The following ADIPOQ variants were observed in gnomAD, a reference collection of about 807,000 sequenced individuals.
The protein encoded by ADIPOQ is adiponectin.
Under a neutral mutation model 16.1 loss-of-function variants are expected in ADIPOQ, and 19 were observed. The ratio of observed to expected loss-of-function variants is 1.18; its 90% CI spans 0.82 to 1.73. The LOEUF (loss-of-function observed/expected upper bound fraction) is 1.73, where lower values mean the gene tolerates loss of function less well. Among genes scored for constraint, ADIPOQ ranks in the 40% most tolerant of loss-of-function variants. The probability of loss-of-function intolerance (pLI) is 0.00; values close to 1 mark genes in which losing one functional copy is unlikely to be tolerated. For synonymous variants in ADIPOQ, 124 were observed against 125.5 expected (o/e 0.99, Z 0.08); for missense variants, 323 against 308.3 (o/e 1.05, Z -0.36).
intron 1 of ADIPOQ, among the ~76,000 whole-genome samples, chr3:186,847,635 A>G (rs1711613895): frequency 6.6e-6 from 1 of 152,102 alleles, no homozygotes; most frequent in Non-Finnish European, 1.5e-5. Flanking sequence ...AAGCTTTGTG[A>G]CCAAAAACAA....
Position 186,854,911 on chromosome 3 carries a change from G to T in ADIPOQ, c.*207G>T. On this transcript the variant is annotated 3_prime_UTR_variant, in exon 3 of 3. Transcript: ENST00000320741. ...CAGTCCTGGGGAGCTTCACAAACAT[G>T]ACCAGATAACTGACTAGAAAGAAGT... The T allele has an allele frequency of 1.4e-6, 1 of 710,308 alleles. No individual in the cohort carries two copies. 44.0% of individuals were successfully genotyped at this position (710,308 alleles called of 1,614,324 possible).
At chr3:186,848,039 C>T (rs757766242) in intron 1 of ADIPOQ, among the ~76,000 whole-genome samples, 42 of 151,696 alleles carry the variant, frequency 2.8e-4, no homozygotes, top group Non-Finnish European at 5.0e-4. Flanking sequence ...CAGGTGTGGT[C>T]GTGGATTCCT....
chr3:186,843,053 G>A (rs1377379349), intron 1 of ADIPOQ, among the ~76,000 whole-genome samples: 2 of 152,230 alleles, frequency 1.3e-5, no homozygotes, highest in African/African-American at 4.8e-5. Flanking sequence ...TAAGGTGGAA[G>A]GGTCTGTCCA....
chr3:186,842,769 G>C lies in ADIPOQ; in HGVS notation c.-9+20G>C, dbSNP rs1723034952. The C allele has an allele frequency of 6.6e-6, 1 of 152,554 alleles. No individual in the cohort carries two copies. Among genetic ancestry groups the C allele is most frequent in the Non-Finnish European group, 1.5e-5 (1 of 68,316 alleles). The allele number at this position is 152,554 out of a possible 1,614,324, so 9.5% of individuals were successfully genotyped here. On this transcript the variant is annotated intron_variant, in intron 1 of 2. Coordinates refer to ENST00000320741, the MANE Select transcript of ADIPOQ (RefSeq NM_004797.4). ...CAGAGGGTAAGAGCAATTCTGTGAAGTTCCAGGCTGGGTGGGGGATGCATG... is the reference window on the plus strand; with the variant it reads ...CAGAGGGTAAGAGCAATTCTGTGAACTTCCAGGCTGGGTGGGGGATGCATG...
At chr3:186,848,769 A>C (rs983869497) in intron 1 of ADIPOQ, among the ~76,000 whole-genome samples, 7 of 152,272 alleles carry the variant, frequency 4.6e-5, no homozygotes, top group African/African-American at 9.6e-5. Flanking sequence ...TAAAATAAAA[A>C]AGAACACAAA....
chr3:186,846,045 A>G (rs912859251), intron 1 of ADIPOQ, among the ~76,000 whole-genome samples: 2 of 152,102 alleles, frequency 1.3e-5, no homozygotes, highest in East Asian at 3.8e-4. Context: ...TCATCTCTGA[A>G]GTTGGGCTCA....
intron 1 of ADIPOQ, among the ~76,000 whole-genome samples, chr3:186,849,332 G>A (rs1711672215): frequency 6.6e-6 from 1 of 152,194 alleles, no homozygotes. Context: ...AGAAAGGGTG[G>A]AGGTGACAAG....
intron 1 of ADIPOQ, chr3:186,851,818 G>A (rs9877202): frequency 0.95 from 145,203 of 152,376 alleles, 69,594 homozygotes; most frequent in East Asian, 1. Context: ...AGAGTGCAAT[G>A]ATAGAGCTAA....
intron 1 of ADIPOQ, among the ~76,000 whole-genome samples, chr3:186,845,252 G>T (rs1711551512): frequency 6.6e-6 from 1 of 152,174 alleles, no homozygotes; most frequent in Admixed American, 6.5e-5. Context: ...CTGAGTGAAG[G>T]CTTTCGGGCA....
In ADIPOQ at chr3:186,844,336, T is replaced by C. The variant is rs140648385; in HGVS notation, c.-9+1587T>C. On this transcript the variant is annotated intron_variant, in intron 1 of 2. Transcript: ENST00000320741. ...CTAATTTTTATATTTTTAGTAGAGA[T>C]GGGGTTCACCATATTGGCCAGGATG... is the stretch of plus-strand genomic sequence containing the variant. Among the ~76,000 whole-genome samples, 1,399 of 152,072 alleles carry C rather than the reference T, an allele frequency of 9.2e-3. 15 individuals carry two copies. Among genetic ancestry groups the C allele is most frequent in the African/African-American group, 0.031 (1,297 of 41,470 alleles).
rs1460996312 is a variant in ADIPOQ at position 186,857,094 on chromosome 3, C to T, written c.*2390C>T. The stretch of plus-strand genomic sequence containing the variant: ...GCCCAGCTCTCGTATCCCCAAGCCA[C>T]ACCATCTGGCTAAATGGACATCATG... On this transcript the variant is annotated 3_prime_UTR_variant, in exon 3 of 3. Coordinates refer to ENST00000320741, the MANE Select transcript of ADIPOQ (RefSeq NM_004797.4). The T allele has an allele frequency of 6.6e-6, 1 of 152,334 alleles. No individual in the cohort carries two copies. The highest frequency in any genetic ancestry group is 3.4e-3 in the Middle Eastern group (1 of 294). The allele number at this position is 152,334 out of a possible 1,614,324, so 9.4% of individuals were successfully genotyped here.
rs534701505 is a variant in ADIPOQ at position 186,848,713 on chromosome 3, G to C, written c.-8-4338G>C. ...GTCTCCTGAGACTTGGAGAGCGCAA[G>C]ATGCTAGCGACAGAGCAAGACTCCA... On this transcript the variant is annotated intron_variant, in intron 1 of 2. Transcript: ENST00000320741. Among the ~76,000 whole-genome samples the C allele has an allele frequency of 2.6e-5, 4 of 152,304 alleles. No individual in the cohort carries two copies. In the South Asian group the frequency reaches 8.3e-4, roughly 32 times the overall value.
chr3:186,850,271 C>CAAAAAA (rs71634014), intron 1 of ADIPOQ, among the ~76,000 whole-genome samples: 1 of 88,732 alleles, frequency 1.1e-5, no homozygotes, highest in African/African-American at 4.3e-5. Flanking sequence ...TCCTCTCTCT[C>CAAAAAA]AAAAAAAAAA....
At chr3:186,854,072 C>T in intron 2 of ADIPOQ, 112 bp from the exon 3 acceptor site, 1 of 1,162,008 alleles carries the variant, frequency 8.6e-7, no homozygotes, top group Non-Finnish European at 1.2e-6. Flanking sequence ...GTTTCTTGAT[C>T]TATAAGTCAA....
rs1157301101 is a variant in ADIPOQ at position 186,854,207 on chromosome 3, A to G, written c.238A>G (p.Ile80Val). Residue 80 changes from isoleucine (I) to valine (V), a missense_variant, in exon 3 of 3, where the codon ATC becomes GTC. Coordinates refer to ENST00000320741, the MANE Select transcript of ADIPOQ (RefSeq NM_004797.4). The part of the protein sequence containing the change: ...DPGLIGPKGD[I>V]GETGVPGAEG... ...AGGTCTTATTGGTCCTAAGGGAGACATCGGTGAAACCGGAGTACCCGGGGC... is the reference window on the plus strand; with the variant it reads ...AGGTCTTATTGGTCCTAAGGGAGACGTCGGTGAAACCGGAGTACCCGGGGC... 1 of 1,613,456 alleles carries G rather than the reference A, an allele frequency of 6.2e-7. No homozygotes were observed. Among genetic ancestry groups the G allele is most frequent in the Middle Eastern group, 1.7e-4 (1 of 6,058 alleles).
intron 2 of ADIPOQ, chr3:186,853,943 G>A: frequency 6.9e-6 from 3 of 436,512 alleles, no homozygotes; most frequent in Non-Finnish European, 1.2e-5. Context: ...GCAGGGTGGA[G>A]GGTCTATGAT....
chr3:186,850,107 A>T (rs1711697602), intron 1 of ADIPOQ, among the ~76,000 whole-genome samples: 1 of 151,886 alleles, frequency 6.6e-6, no homozygotes, highest in Non-Finnish European at 1.5e-5. Context: ...CGTCTCTACT[A>T]AAAAATGCAA....
At chr3:186,845,227 A>G (rs2108487710) in intron 1 of ADIPOQ, among the ~76,000 whole-genome samples, 1 of 151,948 alleles carries the variant, frequency 6.6e-6, no homozygotes, top group Admixed American at 6.5e-5. Context: ...GGAGATATTG[A>G]CAGCTCTCCC....
rs201111393 is a variant in ADIPOQ at position 186,854,434 on chromosome 3, T to C, written c.465T>C (p.Pro155=). ...CTGGTAAATTCCACTGCAACATTCC[T>C]GGGCTGTACTACTTTGCCTACCACA... ...GSTGKFHCNI[P]GLYYFAYHIT... is the part of the protein sequence containing the mutation. Residue 155 remains proline, a synonymous_variant, in exon 3 of 3, where the codon CCT becomes CCC. Coordinates refer to ENST00000320741, the MANE Select transcript of ADIPOQ (RefSeq NM_004797.4). The C allele has an allele frequency of 1.2e-6, 2 of 1,614,134 alleles. No homozygotes were observed. Among genetic ancestry groups the C allele is most frequent in the Non-Finnish European group, 1.7e-6 (2 of 1,180,058 alleles).
Sources: allele counts gnomAD v4.1 joint callset (sites outside exome capture counted in the v4.1 genomes callset), GRCh38; gene constraint gnomAD v4.1.1; transcripts MANE v1.5; gene names NCBI Gene and HGNC (gene_info 2026-07-23, HGNC 2026-07-21).